CELF2: variants seen among roughly 807,000 people sequenced by gnomAD.
The protein encoded by CELF2 is CUGBP Elav-like family member 2, also known as CUG triplet repeat RNA-binding protein 2.
A neutral mutation model predicts 62.6 loss-of-function variants in CELF2; 8 were observed. The observed-to-expected ratio is 0.13, with a 90% CI of 0.07 to 0.23. The LOEUF (loss-of-function observed/expected upper bound fraction) is 0.23. Ranked by LOEUF, CELF2 falls within the 10% of genes least tolerant of loss-of-function variation. The pLI is 1.00. For missense variants in CELF2, 333 were observed against 671.0 expected (o/e 0.50, Z 5.56); for synonymous variants, 258 against 250.0 (o/e 1.03, Z -0.30).
At chr10:11,036,335 A>C (rs1593659276) in intron 1 of CELF2, among the ~76,000 whole-genome samples, 1 of 152,192 alleles carries the variant, frequency 6.6e-6, no homozygotes, top group African/African-American at 2.4e-5. Flanking sequence ...GAATTTAATT[A>C]CTTTGCTTCC....
At chr10:11,190,775 TAAAAAAAAAAAAA>T (rs11301213) in intron 2 of CELF2, among the ~76,000 whole-genome samples, 15 of 53,986 alleles carry the variant, frequency 2.8e-4, no homozygotes, top group East Asian at 1.1e-3. Flanking sequence ...CTCTTTTCTT[TAAAAAAAAAAAAA>T]AAAAAAAAAA....
chr10:11,080,141 C>G (rs766355398), intron 1 of CELF2, among the ~76,000 whole-genome samples: 1 of 152,176 alleles, frequency 6.6e-6, no homozygotes, highest in Non-Finnish European at 1.5e-5. Context: ...TTGAGCAAAT[C>G]ATTTAACCTC....
chr10:11,037,487 T>G (rs1046802772), intron 1 of CELF2, among the ~76,000 whole-genome samples: 1 of 152,208 alleles, frequency 6.6e-6, no homozygotes, highest in African/African-American at 2.4e-5. Flanking sequence ...TCTGGATGTT[T>G]CCTGGTGAGC....
At chr10:10,847,898 CTG>C (rs1274620946) in intron 1 of CELF2, among the ~76,000 whole-genome samples, 8 of 152,184 alleles carry the variant, frequency 5.3e-5, no homozygotes, top group African/African-American at 9.7e-5. Context: ...GCAAAAATGA[CTG>C]TATTTAAATG....
rs561865797 is a variant in CELF2, at chr10:11,069,754, C to T, written c.74+51591C>T. Among the ~76,000 whole-genome samples, 9 of 152,124 alleles carry T rather than the reference C, an allele frequency of 5.9e-5. No individual in the cohort carries two copies. The South Asian group carries it at 6.2e-4, about 11-fold the overall frequency. On this transcript the variant is annotated intron_variant, in intron 1 of 12. Coordinates refer to ENST00000633077, the MANE Select transcript of CELF2 (RefSeq NM_001326342.2). ...ACCAAATCCAGAAATGAAAGTGTTTCGTAATTATTAAGCCAGGAATATGGC... is the reference window on the plus strand; with the variant it reads ...ACCAAATCCAGAAATGAAAGTGTTTTGTAATTATTAAGCCAGGAATATGGC...
rs561918040 is a variant in CELF2, at chr10:10,995,936, T to A, written c.89+75937T>A. ...GAATTAAAAATGAACATAAGACTCT[T>A]TTGATCTGGGTGCTGACTGCATGGG... On this transcript the variant is annotated intron_variant, in intron 2 of 13. Coordinates refer to the CELF2 transcript ENST00000636488. The surrounding 1 kb of genome is among the most constrained non-coding windows in gnomAD (Gnocchi z 4.7). Among the ~76,000 whole-genome samples, 10 of 152,194 alleles carry A rather than the reference T, an allele frequency of 6.6e-5. No individual in the cohort carries two copies. The highest frequency in any genetic ancestry group is 1.2e-4 in the Non-Finnish European group (8 of 68,036).
Position 11,321,958 on chromosome 10 carries a change from AC to A in CELF2, c.1294+577del, listed in dbSNP as rs2095464682. The stretch of plus-strand genomic sequence containing the variant: ...ATCCCCAAATATCCTCTCACTGCTC[AC>A]CCCCTGCCATAATTAAGTTCTATAA... On this transcript the variant is annotated intron_variant, in intron 11 of 12. Transcript: ENST00000633077. The surrounding 1 kb of genome is among the most constrained non-coding windows in gnomAD (Gnocchi z 6.2). 6.6e-6 allele frequency among the ~76,000 whole-genome samples: 1 copy of A among 152,078 alleles called. No individual in the cohort carries two copies. Among genetic ancestry groups the A allele is most frequent in the African/African-American group, 2.4e-5 (1 of 41,402 alleles).
At chr10:11,310,171 G>A (rs1250987714) in intron 9 of CELF2, among the ~76,000 whole-genome samples, 1 of 152,176 alleles carries the variant, frequency 6.6e-6, no homozygotes, top group Non-Finnish European at 1.5e-5. Context: ...CTGCTTCTTG[G>A]TCTAGAATAG....
chr10:11,303,753 T>A lies in CELF2; in HGVS notation c.977-10386T>A, dbSNP rs540205710. Among the ~76,000 whole-genome samples, 286 of 152,342 alleles carry A rather than the reference T, an allele frequency of 1.9e-3. 1 individual carries two copies. Among genetic ancestry groups the A allele is most frequent in the African/African-American group, 6.6e-3 (273 of 41,574 alleles). ...TGCTTCCATAAGTAAATCTCTGCAG[T>A]AGCCACTAGATAGACATAAGAGGGG... On this transcript the variant is annotated intron_variant, in intron 9 of 12. Transcript: ENST00000633077.
chr10:10,537,608 G>C, the CELF2 span, among the ~76,000 whole-genome samples: 1 of 152,228 alleles, frequency 6.6e-6, no homozygotes, highest in South Asian at 2.1e-4. Flanking sequence ...AGGACTCCTT[G>C]GGGTGATCCT....
At chr10:11,025,239 G>GTGTGTATATATATATATA (rs61580670) in intron 1 of CELF2, among the ~76,000 whole-genome samples, 2,528 of 141,018 alleles carry the variant, frequency 0.018, 25 homozygotes, top group South Asian at 0.037. Context: ...GTGTGTGTGT[G>GTGTGTATATATATATATA]TATATGTATG....
the CELF2 span, among the ~76,000 whole-genome samples, chr10:10,603,369 G>A: frequency 1.3e-4 from 19 of 151,910 alleles, no homozygotes; most frequent in South Asian, 2.9e-3. Context: ...CATATATTTC[G>A]CATTTCTAGG....
the CELF2 span, among the ~76,000 whole-genome samples, chr10:10,596,473 A>G: frequency 9.9e-5 from 15 of 152,154 alleles, no homozygotes; most frequent in Non-Finnish European, 1.9e-4. Context: ...CTGCTTTGCC[A>G]TGGTGGGTGG....
At chr10:11,293,396 A>G (rs937315952) in intron 9 of CELF2, among the ~76,000 whole-genome samples, 7 of 152,254 alleles carry the variant, frequency 4.6e-5, no homozygotes, top group African/African-American at 1.7e-4. Context: ...ACTTATATGA[A>G]TCAATGCAAA....
the CELF2 span, among the ~76,000 whole-genome samples, chr10:10,656,536 C>T: frequency 8.7e-6 from 1 of 114,622 alleles, no homozygotes; most frequent in African/African-American, 3.2e-5. Context: ...GAATACTATG[C>T]AGCCATAAAA....
At chr10:10,657,821 T>C in the CELF2 span, among the ~76,000 whole-genome samples, 3 of 152,208 alleles carry the variant, frequency 2.0e-5, no homozygotes, top group African/African-American at 7.2e-5. Context: ...TATAATATGC[T>C]TTATGTCTTT....
intron 1 of CELF2, among the ~76,000 whole-genome samples, chr10:10,889,918 C>A (rs2062013679): frequency 6.6e-6 from 1 of 152,102 alleles, no homozygotes; most frequent in South Asian, 2.1e-4. Flanking sequence ...CTTTCCTGTG[C>A]ATGATAAATG....
the CELF2 span, among the ~76,000 whole-genome samples, chr10:10,583,438 TGTA>T: frequency 1.3e-5 from 2 of 152,140 alleles, no homozygotes; most frequent in African/African-American, 4.8e-5. Context: ...AACAATATTT[TGTA>T]CCAAGGAAGT....
chr10:10,765,629 G>A, the CELF2 span, among the ~76,000 whole-genome samples: 1,775 of 152,246 alleles, frequency 0.012, 26 homozygotes, highest in Middle Eastern at 0.054. Flanking sequence ...CTCTGAGAAA[G>A]CCTTAAGTTA....
Sources: gnomAD v4.1 joint callset for allele counts (sites outside exome capture counted in the v4.1 genomes callset) on GRCh38, gnomAD v4.1.1 for gene constraint, Gnocchi (gnomAD v3.1) non-coding constraint, MANE v1.5 for transcripts, NCBI Gene and HGNC (gene_info 2026-07-23, HGNC 2026-07-21) for gene names.